The following ME3 variants were observed in gnomAD, a reference collection of about 807,000 sequenced individuals.
The protein encoded by ME3 is malic enzyme 3.
A neutral mutation model predicts 68.9 loss-of-function variants in ME3; 48 were observed. The ratio of observed to expected loss-of-function variants is 0.70; its 90% CI spans 0.55 to 0.89. The LOEUF is 0.89. ME3 is among the 40% of genes least tolerant of loss of function. ME3 has a pLI of 0.00. For missense variants in ME3, 675 were observed against 797.4 expected, an observed-to-expected ratio of 0.85 and a Z score of 1.85; for synonymous variants, 320 against 318.8, an observed-to-expected ratio of 1.00 and a Z score of -0.04.
chr11:86,593,089 T>C (rs1220278740), intron 2 of ME3, among the ~76,000 whole-genome samples: 2 of 152,198 alleles, frequency 1.3e-5, no homozygotes, highest in African/African-American at 4.8e-5. Context: ...GAGATGACTG[T>C]GGCCTTGGCT....
chr11:86,457,904 G>T, intron 8 of ME3: 1 of 952,314 alleles, frequency 1.1e-6, no homozygotes, highest in Non-Finnish European at 1.4e-6. Flanking sequence ...GCTTTTAATA[G>T]TCAGATTTGA....
chr11:86,648,076 A>G (rs1010771058), intron 2 of ME3, among the ~76,000 whole-genome samples: 1 of 152,262 alleles, frequency 6.6e-6, no homozygotes, highest in Non-Finnish European at 1.5e-5. Context: ...CTGCAATGCA[A>G]TCAAATTAGA....
chr11:86,656,518 T>C (rs1945885549), intron 2 of ME3, among the ~76,000 whole-genome samples: 1 of 147,000 alleles, frequency 6.8e-6, no homozygotes, highest in South Asian at 2.1e-4. Context: ...AAACACTTCA[T>C]GTTCTCACTC....
rs187397916 is a variant in ME3, at chr11:86,652,505, G to C, written c.183+19257C>G. ...TATCCAGCCAAACTAAGCTTCATAA[G>C]TGAAGGAGAAATAAAATACTTGAGA... On this transcript the variant is annotated intron_variant, in intron 2 of 14. Coordinates refer to ENST00000543262, the Ensembl canonical transcript of ME3. Among the ~76,000 whole-genome samples the C allele has an allele frequency of 3.6e-3, 546 of 152,128 alleles. 3 individuals are homozygous for C. The highest frequency in any genetic ancestry group is 0.031 in the Middle Eastern group (9 of 294).
At chr11:86,620,170 T>G (rs928099739) in intron 2 of ME3, among the ~76,000 whole-genome samples, 2 of 152,232 alleles carry the variant, frequency 1.3e-5, no homozygotes, top group Non-Finnish European at 2.9e-5. Flanking sequence ...AAACGTTTTT[T>G]TAAACTGAAG....
intron 5 of ME3, among the ~76,000 whole-genome samples, chr11:86,498,733 A>G (rs1031328617): frequency 6.6e-6 from 1 of 152,204 alleles, no homozygotes; most frequent in Non-Finnish European, 1.5e-5. Flanking sequence ...TATGTGCTAG[A>G]TGTAGTGCTA....
At chr11:86,653,949 C>T (rs1945665868) in intron 2 of ME3, among the ~76,000 whole-genome samples, 1 of 152,146 alleles carries the variant, frequency 6.6e-6, no homozygotes, top group Non-Finnish European at 1.5e-5. Flanking sequence ...AAACTGCCAT[C>T]AGAGAATACT....
At chr11:86,476,739 G>A (rs530772090) in intron 7 of ME3, among the ~76,000 whole-genome samples, 117 of 152,290 alleles carry the variant, frequency 7.7e-4, no homozygotes, top group African/African-American at 2.7e-3. Context: ...GTCTGTGTTG[G>A]GGGTGGGGAT....
intron 2 of ME3, among the ~76,000 whole-genome samples, chr11:86,650,312 A>G (rs1471285427): frequency 6.6e-6 from 1 of 152,224 alleles, no homozygotes; most frequent in Non-Finnish European, 1.5e-5. Flanking sequence ...TTAACTCAAA[A>G]TGGATTAAAT....
intron 1 of ME3, 100 bp downstream of exon 1, chr11:86,672,224 C>T (rs1947001320): frequency 2.6e-6 from 1 of 383,714 alleles, no homozygotes; most frequent in Non-Finnish European, 4.6e-6. Context: ...GCCACCCCTG[C>T]CCCCATCCCT....
chr11:86,561,288 C>T (rs1157208784), intron 2 of ME3, among the ~76,000 whole-genome samples: 4 of 152,050 alleles, frequency 2.6e-5, no homozygotes, highest in Non-Finnish European at 4.4e-5. Context: ...TGTACATTGC[C>T]AGCCGTGGTC....
intron 4 of ME3, among the ~76,000 whole-genome samples, chr11:86,527,828 C>T (rs1447052464): frequency 1.3e-5 from 2 of 152,154 alleles, no homozygotes; most frequent in Non-Finnish European, 1.5e-5. Context: ...CACCACCAGG[C>T]CTGCCCTACA....
chr11:86,548,472 C>T (rs1467087216), intron 4 of ME3, among the ~76,000 whole-genome samples: 1 of 152,210 alleles, frequency 6.6e-6, no homozygotes, highest in African/African-American at 2.4e-5. Flanking sequence ...TAATCCATGA[C>T]AGATTCTGGA....
At chr11:86,494,267 G>A (rs974185914) in intron 6 of ME3, among the ~76,000 whole-genome samples, 6 of 152,076 alleles carry the variant, frequency 3.9e-5, no homozygotes, top group African/African-American at 1.4e-4. Flanking sequence ...AGTGTCCATG[G>A]GATCCTGCCT....
At chr11:86,603,889 G>A (rs1284961423) in intron 2 of ME3, among the ~76,000 whole-genome samples, 2 of 135,336 alleles carry the variant, frequency 1.5e-5, no homozygotes, top group Non-Finnish European at 3.0e-5. Context: ...GATGGGAATT[G>A]AACAATGAGA....
intron 3 of ME3, among the ~76,000 whole-genome samples, chr11:86,558,711 G>T (rs1004175912): frequency 3.3e-5 from 5 of 152,174 alleles, no homozygotes; most frequent in Admixed American, 6.5e-5. Flanking sequence ...TTCTGCTAGA[G>T]CCAATAACAA....
intron 2 of ME3, among the ~76,000 whole-genome samples, chr11:86,640,593 G>A (rs1226926360): frequency 6.6e-6 from 1 of 152,218 alleles, no homozygotes; most frequent in Non-Finnish European, 1.5e-5. Context: ...TTTAAGAGGT[G>A]TCAAGATGCA....
chr11:86,464,022 G>A (rs1435941262), intron 8 of ME3: 3 of 400,370 alleles, frequency 7.5e-6, no homozygotes, highest in Admixed American at 3.3e-5. Flanking sequence ...AGCGTTCAGC[G>A]ATTAACCTTA....
chr11:86,463,981 GAGTGCTTAGAAC>G (rs1435271072), intron 8 of ME3: 1 of 269,118 alleles, frequency 3.7e-6, no homozygotes, highest in African/African-American at 2.3e-5. Context: ...TAAAACTGTA[GAGTGCTTAGAAC>G]AGTGCCCGAC....
Sources: allele counts gnomAD v4.1 joint callset (sites outside exome capture counted in the v4.1 genomes callset), GRCh38; gene constraint gnomAD v4.1.1; transcripts MANE v1.5; gene names NCBI Gene and HGNC (gene_info 2026-07-23, HGNC 2026-07-21).